SLAMF6: variants seen among roughly 807,000 people sequenced by gnomAD.
SLAMF6 encodes the protein SLAM family member 6, also known as NK-T-B-antigen.
SLAMF6 carries 21 observed loss-of-function variants against 38.3 expected under a neutral mutation model. The ratio of observed to expected loss-of-function variants is 0.55; its 90% CI spans 0.39 to 0.79. SLAMF6 has a LOEUF of 0.79. Among genes scored for constraint, SLAMF6 ranks in the 30% least tolerant of loss-of-function variants. SLAMF6 has a pLI of 0.00. For synonymous variants in SLAMF6, 152 were observed against 146.3 expected, an observed-to-expected ratio of 1.04 and a Z score of -0.28; for missense variants, 341 against 385.3, an observed-to-expected ratio of 0.89 and a Z score of 0.96.
rs190489877 is a variant in SLAMF6, at chr1:160,494,914, G to A, written c.382+1147C>T. Among the ~76,000 whole-genome samples the A allele has an allele frequency of 1.9e-3, 282 of 152,168 alleles. 1 individual carries two copies. Among genetic ancestry groups the A allele is most frequent in the African/African-American group, 6.4e-3 (267 of 41,542 alleles). On this transcript the variant is annotated intron_variant, in intron 2 of 7. Coordinates refer to ENST00000368057, the MANE Select transcript of SLAMF6 (RefSeq NM_001184714.2). ...TGGTATTTCTATTTCAGCAGCCTCA[G>A]GAAAGTAATACATTGCCCCAGGGTG...
At chr1:160,516,700 A>G (rs537075069) in intron 1 of SLAMF6, among the ~76,000 whole-genome samples, 2 of 152,310 alleles carry the variant, frequency 1.3e-5, no homozygotes, top group East Asian at 3.9e-4. Flanking sequence ...CCCATAAATA[A>G]GACTGCACAT....
chr1:160,502,219 C>T (rs1571298727), intron 1 of SLAMF6, among the ~76,000 whole-genome samples: 1 of 152,158 alleles, frequency 6.6e-6, no homozygotes, highest in East Asian at 1.9e-4. Flanking sequence ...TGCTGGCATC[C>T]TGTGTGGGGG....
At chr1:160,510,843 G>A (rs1654434793) in intron 1 of SLAMF6, among the ~76,000 whole-genome samples, 1 of 152,024 alleles carries the variant, frequency 6.6e-6, no homozygotes, top group South Asian at 2.1e-4. Flanking sequence ...AAATCCTAAA[G>A]AATCCACAAA....
At chr1:160,505,067 A>C (rs1654112993) in intron 1 of SLAMF6, among the ~76,000 whole-genome samples, 1 of 152,214 alleles carries the variant, frequency 6.6e-6, no homozygotes, top group Admixed American at 6.5e-5. Flanking sequence ...TCTGGTGTTC[A>C]AAGAAATATC....
At chr1:160,513,527 C>G (rs1654595522) in intron 1 of SLAMF6, among the ~76,000 whole-genome samples, 1 of 152,082 alleles carries the variant, frequency 6.6e-6, no homozygotes, top group Non-Finnish European at 1.5e-5. Context: ...GTAAGATACT[C>G]CATGAGAGGA....
chr1:160,509,803 G>T (rs962970560), intron 1 of SLAMF6, among the ~76,000 whole-genome samples: 2 of 152,036 alleles, frequency 1.3e-5, no homozygotes, highest in African/African-American at 4.8e-5. Context: ...AATAATCAAT[G>T]AAACCAAAAG....
intron 1 of SLAMF6, among the ~76,000 whole-genome samples, chr1:160,519,608 C>G (rs1372328423): frequency 6.6e-6 from 1 of 152,076 alleles, no homozygotes; most frequent in Non-Finnish European, 1.5e-5. Flanking sequence ...AAATACTATT[C>G]AGCCAAAAAG....
chr1:160,511,936 A>C (rs781723929), intron 1 of SLAMF6, among the ~76,000 whole-genome samples: 1 of 152,100 alleles, frequency 6.6e-6, no homozygotes, highest in Non-Finnish European at 1.5e-5. Flanking sequence ...AGCCAAGGGA[A>C]GTGGTGAGTG....
intron 1 of SLAMF6, among the ~76,000 whole-genome samples, chr1:160,521,803 T>C (rs1372758018): frequency 6.6e-6 from 1 of 152,170 alleles, no homozygotes; most frequent in African/African-American, 2.4e-5. Flanking sequence ...TCCAATTTTG[T>C]CACTTTCTTT....
At chr1:160,490,126 C>T (rs1230145081) in intron 5 of SLAMF6, 72 bp downstream of exon 5, 8 of 1,530,686 alleles carry the variant, frequency 5.2e-6, no homozygotes, top group South Asian at 1.1e-5. Flanking sequence ...AGCCCTCTGC[C>T]ATCCCCCTCT....
intron 1 of SLAMF6, among the ~76,000 whole-genome samples, chr1:160,512,965 T>C (rs778438989): frequency 5.3e-5 from 8 of 152,100 alleles, no homozygotes. Context: ...CTCCTCCAAA[T>C]GATTGTAACA....
In SLAMF6 at chr1:160,485,535, A is replaced by G. The variant is rs1652921142; in HGVS notation, c.*1172T>C. ...GAGCTGAAAGAAGATCAGGGAGGCT[A>G]CATAGAGAGTGTCAGAAGGGTAATG... is the stretch of plus-strand genomic sequence containing the variant. On this transcript the variant is annotated 3_prime_UTR_variant, in exon 8 of 8. Coordinates refer to ENST00000368057, the MANE Select transcript of SLAMF6 (RefSeq NM_001184714.2). The G allele has an allele frequency of 6.6e-6, 1 of 152,298 alleles. No individual in the cohort carries two copies. The highest frequency in any genetic ancestry group is 2.1e-4 in the South Asian group (1 of 4,832). The allele number at this position is 152,298 out of a possible 1,614,324, so 9.4% of individuals were successfully genotyped here.
rs1285527331 is a variant in SLAMF6, at chr1:160,496,273, A to G, written c.170T>C (p.Phe57Ser). Residue 57 changes from phenylalanine to serine, a missense_variant, in exon 2 of 8, where the codon TTC becomes TCC. Physicochemically the swap from Phe to Ser is radical, Grantham distance 155 (BLOSUM62 -2). Coordinates refer to ENST00000368057, the MANE Select transcript of SLAMF6 (RefSeq NM_001184714.2). The part of the protein sequence containing the change: ...GEKVNFITWL[F>S]NETSLAFIVP... ...TATGAAGGCAAGAGATGTTTCATTG[A>G]AAAGCCAAGTGATGAAGTTGACCTT... The G allele has an allele frequency of 3.1e-6, 5 of 1,613,874 alleles. No homozygotes were observed. Among genetic ancestry groups the G allele is most frequent in the Non-Finnish European group, 4.2e-6 (5 of 1,179,920 alleles).
rs139212912 is a variant in SLAMF6, at chr1:160,499,435, G to A, written c.50-3042C>T. Reference sequence around the variant, plus strand: ...TTGTCTATGTGTCTGTTTGTGTAACGGTACCATGCTGTTTTGGTTACTATA... The same window carrying A: ...TTGTCTATGTGTCTGTTTGTGTAACAGTACCATGCTGTTTTGGTTACTATA... On this transcript the variant is annotated intron_variant, in intron 1 of 7. Transcript: ENST00000368057. Among the ~76,000 whole-genome samples, 264 of 152,050 alleles carry A rather than the reference G, an allele frequency of 1.7e-3. 1 individual carries two copies. Among genetic ancestry groups the A allele is most frequent in the Non-Finnish European group, 1.2e-3 (84 of 67,950 alleles).
chr1:160,509,504 G>A (rs1175740254), intron 1 of SLAMF6, among the ~76,000 whole-genome samples: 1 of 152,074 alleles, frequency 6.6e-6, no homozygotes, highest in Admixed American at 6.6e-5. Context: ...GGGCCTGTCA[G>A]GGGGTGGGGA....
chr1:160,487,154 T>C lies in SLAMF6; in HGVS notation c.901A>G (p.Arg301Gly), dbSNP rs1657864165. The C allele has an allele frequency of 1.9e-6, 3 of 1,613,414 alleles. No homozygotes were observed. Among genetic ancestry groups the C allele is most frequent in the South Asian group, 2.2e-5 (2 of 90,988 alleles). ...SNRETEIWTP[R>G]ENDTITIYST... ...TAAATTGTGATAGTATCATTTTCTC[T>C]AGGTGTCCAGATTTCTGTTTCCTGT... The change falls in exon 7 of 8, where the codon AGA (arginine) becomes GGA (glycine). Residue 301 changes from arginine (R) to glycine (G), a missense_variant. Arg to Gly is a moderately radical substitution (Grantham distance 125). Transcript: ENST00000368057.
chr1:160,495,275 C>T (rs1419738087), intron 2 of SLAMF6, among the ~76,000 whole-genome samples: 1 of 152,188 alleles, frequency 6.6e-6, no homozygotes, highest in Non-Finnish European at 1.5e-5. Context: ...ATGCTTGAAT[C>T]TCCTGCTAAG....
chr1:160,522,785 G>T (rs565602161), intron 1 of SLAMF6, among the ~76,000 whole-genome samples: 4 of 152,124 alleles, frequency 2.6e-5, no homozygotes, highest in Non-Finnish European at 5.9e-5. Flanking sequence ...TTCACAGTAC[G>T]ATAGTAGATA....
intron 1 of SLAMF6, among the ~76,000 whole-genome samples, chr1:160,503,157 G>A (rs1244678010): frequency 6.6e-6 from 1 of 152,142 alleles, no homozygotes; most frequent in Admixed American, 6.5e-5. Context: ...GGGTAAAGGG[G>A]AAGAAGTTGG....
Sources: allele counts gnomAD v4.1 joint callset (sites outside exome capture counted in the v4.1 genomes callset), GRCh38; gene constraint gnomAD v4.1.1; transcripts MANE v1.5; gene names NCBI Gene and HGNC (gene_info 2026-07-23, HGNC 2026-07-21).